The following POMT2 variants were observed in gnomAD, a reference collection of about 807,000 sequenced individuals.
POMT2 encodes protein O-mannosyl-transferase 2.
POMT2 carries 75 observed loss-of-function variants against 100.0 expected under a neutral mutation model. That is an observed-to-expected ratio of 0.75 (90% CI 0.62 to 0.91). The LOEUF (loss-of-function observed/expected upper bound fraction) is 0.91, where lower values mean the gene tolerates loss of function less well. Ranked by LOEUF, POMT2 falls within the 40% of genes least tolerant of loss-of-function variation. POMT2 has a pLI of 0.00. For missense variants in POMT2, 940 were observed against 955.1 expected (o/e 0.98, Z 0.21); for synonymous variants, 378 against 374.1 (o/e 1.01, Z -0.12).
intron 18 of POMT2, chr14:77,279,592 C>A: frequency 7.6e-6 from 5 of 660,198 alleles, no homozygotes; most frequent in Non-Finnish European, 1.4e-5. Context: ...GTTTCCTAAT[C>A]CATAAAATGG....
intron 8 of POMT2, 195 bp from the exon 9 acceptor site, chr14:77,296,468 C>A (rs923572232): frequency 3.4e-6 from 2 of 592,916 alleles, no homozygotes; most frequent in African/African-American, 3.7e-5. Context: ...CCCACTTACT[C>A]CCCCGCCTCC....
chr14:77,307,109 G>A (rs1216182024), intron 2 of POMT2, among the ~76,000 whole-genome samples: 1 of 152,176 alleles, frequency 6.6e-6, no homozygotes, highest in Non-Finnish European at 1.5e-5. Context: ...AAGATCGGCC[G>A]TGTCTTTTGT....
At chr14:77,317,560 T>C (rs1211066985) in intron 1 of POMT2, among the ~76,000 whole-genome samples, 1 of 152,222 alleles carries the variant, frequency 6.6e-6, no homozygotes, top group Non-Finnish European at 1.5e-5. Context: ...CCCTCAAAGA[T>C]CAACTCAAAA....
chr14:77,294,363 C>T (rs1406264644), intron 9 of POMT2, among the ~76,000 whole-genome samples: 7 of 152,178 alleles, frequency 4.6e-5, no homozygotes, highest in African/African-American at 1.7e-4. Context: ...ACTCTTTTGC[C>T]TGGGCTGGAG....
At chr14:77,300,002 A>G in intron 6 of POMT2, 1 of 271,300 alleles carries the variant, frequency 3.7e-6, no homozygotes, top group Non-Finnish European at 7.2e-6. Flanking sequence ...ATTGCCTGGG[A>G]CTGGCCGAGT....
chr14:77,296,105 A>G, intron 9 of POMT2, 59 bp downstream of exon 9: 1 of 1,288,266 alleles, frequency 7.8e-7, no homozygotes, highest in Admixed American at 2.0e-5. Flanking sequence ...GAGGCAAGAG[A>G]GTGAACTGTC....
intron 1 of POMT2, among the ~76,000 whole-genome samples, chr14:77,314,725 T>C (rs1891567509): frequency 6.6e-6 from 1 of 152,166 alleles, no homozygotes; most frequent in Non-Finnish European, 1.5e-5. Flanking sequence ...ATCATGACAA[T>C]GGCAGCAAGC....
chr14:77,298,044 T>C (rs1186917346), intron 8 of POMT2, among the ~76,000 whole-genome samples: 2 of 152,232 alleles, frequency 1.3e-5, no homozygotes, highest in Admixed American at 6.5e-5. Flanking sequence ...TTTCTGCATA[T>C]ACCTGTGCCT....
At chr14:77,280,221 G>T in intron 16 of POMT2, 141 bp from the exon 17 acceptor site, 5 of 1,564,110 alleles carry the variant, frequency 3.2e-6, no homozygotes, top group Non-Finnish European at 4.3e-6. Flanking sequence ...CGAGCTCTCT[G>T]GGAAGCAGGG....
At position 77,300,151 on chromosome 14, in the gene POMT2, G is replaced by T. The variant is rs374712078; in HGVS notation, c.817-590C>A. On this transcript the variant is annotated intron_variant, in intron 6 of 20. Transcript: ENST00000261534. ...TCCAGCACCTCACACACAGTGGCTG[G>T]ATGATCTTTACACATTTTCTGAATA... is the stretch of plus-strand genomic sequence containing the variant. The T allele has an allele frequency of 3.1e-5, 5 of 162,696 alleles. No homozygotes were observed. The East Asian group carries it at 5.2e-4, about 17-fold the overall frequency. 10.1% of individuals were successfully genotyped at this position (162,696 alleles called of 1,614,324 possible).
rs1451319506 is a variant in POMT2, at chr14:77,275,134, C to T, written c.*2242G>A. On this transcript the variant is annotated 3_prime_UTR_variant, in exon 21 of 21. Coordinates refer to ENST00000261534, the MANE Select transcript of POMT2 (RefSeq NM_013382.7). ...TCTGCCAAGTGCTACAGCTGAAGCC[C>T]ATATTCATAGAAGCACCCTGACAGC... 1.3e-5 allele frequency: 2 copies of T among 152,196 alleles called. No homozygotes were observed. Among genetic ancestry groups the T allele is most frequent in the East Asian group, 3.9e-4 (2 of 5,192 alleles). The allele number at this position is 152,196 out of a possible 1,614,324, so 9.4% of individuals were successfully genotyped here. A position where few individuals can be genotyped will look rare whatever the true frequency, so the allele number is the denominator to read the frequency against.
chr14:77,288,659 TGACCA>T lies in POMT2; in HGVS notation c.1253+98_1253+102del, dbSNP rs1237707628. 1.1e-5 allele frequency: 11 copies of T among 995,946 alleles called. No homozygotes were observed. The African/African-American group carries it at 1.6e-4, about 15-fold the overall frequency. The allele number at this position is 995,946 out of a possible 1,614,324, so 61.7% of individuals were successfully genotyped here. A position where few individuals can be genotyped will look rare whatever the true frequency, so the allele number is the denominator to read the frequency against. Reference sequence around the variant, plus strand: ...TTCTCGCACTGTGGCCTTGCTCCATTGACCAGAGCCTCATCAAAATCTAACTTCTG... The same window carrying T: ...TTCTCGCACTGTGGCCTTGCTCCATTGAGCCTCATCAAAATCTAACTTCTG... On this transcript the variant is annotated intron_variant, in intron 11 of 20. Coordinates refer to ENST00000261534, the MANE Select transcript of POMT2 (RefSeq NM_013382.7).
rs1890012951 is a variant in POMT2 at position 77,277,465 on chromosome 14, G to A, written c.2164C>T (p.Pro722Ser). Residue 722 changes from proline to serine, a missense_variant, in exon 21 of 21, where the codon CCT becomes TCT. By Grantham distance (74) the Pro-to-Ser change is moderately conservative. Transcript: ENST00000261534. ...GTAYSFYLFH[P>S]LAYGMVGPLA... is the part of the protein sequence containing the mutation. ...GGACCAACCATCCCGTAAGCCAGAG[G>A]GTGGAAGAGGTAGAAGCTGTGAGAG... is the stretch of plus-strand genomic sequence containing the variant. 6.8e-6 allele frequency: 11 copies of A among 1,613,272 alleles called. No homozygotes were observed. Among genetic ancestry groups the A allele is most frequent in the Non-Finnish European group, 8.5e-6 (10 of 1,179,158 alleles).
chr14:77,287,126 T>C (rs1198329762), intron 11 of POMT2: 1 of 390,502 alleles, frequency 2.6e-6, no homozygotes, highest in Non-Finnish European at 4.8e-6. Context: ...TTTAGTAGCT[T>C]TGAAGCACTT....
intron 15 of POMT2, 63 bp from the exon 16 acceptor site, chr14:77,280,526 G>A (rs2140169862): frequency 1.2e-6 from 2 of 1,611,870 alleles, no homozygotes; most frequent in South Asian, 2.2e-5. Context: ...CAGAAATGTG[G>A]GGCCCAGGTT....
In POMT2 at chr14:77,293,798, C is replaced by T. The variant is rs1890727551; in HGVS notation, c.1116+2366G>A. Among the ~76,000 whole-genome samples the T allele has an allele frequency of 2.0e-5, 3 of 152,198 alleles. No individual in the cohort carries two copies. In the South Asian group the frequency reaches 6.2e-4, roughly 31 times the overall value. On this transcript the variant is annotated intron_variant, in intron 9 of 20. Transcript: ENST00000261534. ...CACCTCCACACATGGGCTCTACGTA[C>T]ATAACACTAGCTTAACAGAGCCTTT...
chr14:77,312,231 T>A, intron 1 of POMT2, 198 bp from the exon 2 acceptor site: 1 of 857,508 alleles, frequency 1.2e-6, no homozygotes, highest in Non-Finnish European at 1.7e-6. Flanking sequence ...TTCATTTAGA[T>A]AGATGAGAAA....
chr14:77,307,585 A>G (rs528659549), intron 2 of POMT2, among the ~76,000 whole-genome samples: 1 of 152,314 alleles, frequency 6.6e-6, no homozygotes, highest in African/African-American at 2.4e-5. Flanking sequence ...CTCGCCTGGT[A>G]TTGGTCATAC....
rs142122657 is a variant in POMT2 at position 77,298,781 on chromosome 14, G to A, written c.924-10C>T. 5.0e-4 allele frequency: 800 copies of A among 1,610,696 alleles called. 7 individuals are homozygous for A. In the African/African-American group the frequency reaches 8.6e-3, roughly 17 times the overall value. On this transcript the variant is annotated splice_polypyrimidine_tract_variant and intron_variant, in intron 7 of 20. Coordinates refer to ENST00000261534, the MANE Select transcript of POMT2 (RefSeq NM_013382.7). Reference sequence around the variant, plus strand: ...ACCGTCACCAGGGCCACTGTGGGGAGAGGAAGAGCAGAAGAGAGTCAAGTT... The same window carrying A: ...ACCGTCACCAGGGCCACTGTGGGGAAAGGAAGAGCAGAAGAGAGTCAAGTT...
Sources: allele counts gnomAD v4.1 joint callset (sites outside exome capture counted in the v4.1 genomes callset), GRCh38; gene constraint gnomAD v4.1.1; transcripts MANE v1.5; gene names NCBI Gene and HGNC (gene_info 2026-07-23, HGNC 2026-07-21).